The following CRTC3 variants were observed in gnomAD, a reference collection of about 807,000 sequenced individuals.
The protein encoded by CRTC3 is CREB regulated transcription coactivator 3.
In CRTC3, 26 loss-of-function variants were observed where a neutral mutation model predicts 74.5. That is an observed-to-expected ratio of 0.35 (90% CI 0.26 to 0.48). The LOEUF is 0.48. Among genes scored for constraint, CRTC3 ranks in the 20% least tolerant of loss-of-function variants. CRTC3 has a pLI of 0.99. For missense variants in CRTC3, 760 were observed against 787.3 expected (o/e 0.97, Z 0.41); for synonymous variants, 377 against 325.8 (o/e 1.16, Z -1.69).
At chr15:90,610,759 A>G (rs1968337195) in intron 6 of CRTC3, among the ~76,000 whole-genome samples, 1 of 152,216 alleles carries the variant, frequency 6.6e-6, no homozygotes, top group Non-Finnish European at 1.5e-5. Context: ...GCCCTGTCCC[A>G]TAGCCTAGGA....
Position 90,638,657 on chromosome 15 carries a change from G to T in CRTC3, c.1467+11G>T. On this transcript the variant is annotated intron_variant, in intron 12 of 14. Coordinates refer to ENST00000268184, the MANE Select transcript of CRTC3 (RefSeq NM_022769.5). ...CTTCTCCCGGCCCAGGTGAGTTCTG[G>T]CAGGAGCGTTGGTGCAGAGGGAATG... The T allele has an allele frequency of 6.2e-7, 1 of 1,613,722 alleles. No individual in the cohort carries two copies. Among genetic ancestry groups the T allele is most frequent in the Non-Finnish European group, 8.5e-7 (1 of 1,179,806 alleles).
chr15:90,641,566 G>A (rs7171533), intron 14 of CRTC3, among the ~76,000 whole-genome samples: 18,738 of 151,924 alleles, frequency 0.12, 1,264 homozygotes, highest in East Asian at 0.17. Context: ...TGGGCATGGC[G>A]GCGGGCGCCT....
chr15:90,548,689 A>G (rs1966848834), intron 2 of CRTC3, among the ~76,000 whole-genome samples: 1 of 152,238 alleles, frequency 6.6e-6, no homozygotes, highest in Non-Finnish European at 1.5e-5. Flanking sequence ...TTTATTGAGT[A>G]TGTGCTATGT....
rs1596141551 is a variant in CRTC3 at position 90,629,389 on chromosome 15, T to C, written c.1123T>C (p.Ser375Pro). Residue 375 changes from serine to proline, a missense_variant, in exon 11 of 15, where the codon TCC (serine) becomes CCC (proline). By Grantham distance (74) the Ser-to-Pro change is moderately conservative. Coordinates refer to ENST00000268184, the MANE Select transcript of CRTC3 (RefSeq NM_022769.5). ...RLFSLSNPSL[S>P]TTNLSGPSRR... ...GTTTTCCCTTAGCAACCCATCTCTTTCCACCACAAACCTGAGCGGCCCGTC... is the reference window on the plus strand; with the variant it reads ...GTTTTCCCTTAGCAACCCATCTCTTCCCACCACAAACCTGAGCGGCCCGTC... 3 of 1,613,814 alleles carry C rather than the reference T, an allele frequency of 1.9e-6. No homozygotes were observed. Among genetic ancestry groups the C allele is most frequent in the Non-Finnish European group, 1.7e-6 (2 of 1,179,920 alleles).
chr15:90,550,946 C>T (rs1567162745), intron 2 of CRTC3, among the ~76,000 whole-genome samples: 1 of 152,020 alleles, frequency 6.6e-6, no homozygotes, highest in African/African-American at 2.4e-5. Flanking sequence ...CGGAATGAAA[C>T]AAGAGAGGCT....
chr15:90,537,347 G>A (rs577826370), intron 1 of CRTC3, among the ~76,000 whole-genome samples: 1 of 152,276 alleles, frequency 6.6e-6, no homozygotes, highest in South Asian at 2.1e-4. Context: ...CAACCACACG[G>A]GAGTTGCAGG....
chr15:90,551,934 A>ACACACG (rs1235169547), intron 2 of CRTC3, among the ~76,000 whole-genome samples: 2 of 9,746 alleles, frequency 2.1e-4, no homozygotes, highest in African/African-American at 8.6e-4. Context: ...ACACACGCAC[A>ACACACG]CACACACACG....
intron 2 of CRTC3, 92 bp from the exon 3 acceptor site, chr15:90,593,544 G>T (rs914439453): frequency 6.9e-7 from 1 of 1,453,560 alleles, no homozygotes; most frequent in African/African-American, 1.4e-5. Flanking sequence ...CTGTAAAATC[G>T]GTCCTTTCAT....
In CRTC3 at chr15:90,638,274, A is replaced by C. The variant is rs1261859275; in HGVS notation, c.1267-172A>C. ...AATGGAACATGCTTTGTGGGGAAGT[A>C]AAATTTGAGATATACTTTGAAGGAT... On this transcript the variant is annotated intron_variant, in intron 11 of 14. Coordinates refer to ENST00000268184, the MANE Select transcript of CRTC3 (RefSeq NM_022769.5). 1.5e-5 allele frequency: 9 copies of C among 584,298 alleles called. No homozygotes were observed. The East Asian group carries it at 2.5e-4, about 16-fold the overall frequency. 36.2% of individuals were successfully genotyped at this position (584,298 alleles called of 1,614,324 possible). A position where few individuals can be genotyped will look rare whatever the true frequency, so the allele number is the denominator to read the frequency against.
At position 90,529,983 on chromosome 15, in the gene CRTC3, G is replaced by C; in HGVS notation, c.-89G>C. 9.7e-7 allele frequency: 1 copy of C among 1,027,664 alleles called. No individual in the cohort carries two copies. Among genetic ancestry groups the C allele is most frequent in the Non-Finnish European group, 1.2e-6 (1 of 829,300 alleles). The allele number at this position is 1,027,664 out of a possible 1,614,324, so 63.7% of individuals were successfully genotyped here. A position where few individuals can be genotyped will look rare whatever the true frequency, so the allele number is the denominator to read the frequency against. On this transcript the variant is annotated 5_prime_UTR_variant, in exon 1 of 15. Coordinates refer to ENST00000268184, the MANE Select transcript of CRTC3 (RefSeq NM_022769.5). ...CGCCGGACGACTGGCTTCGGGCGGCGGCCCCGGCGGCCTGTGGACGGACGG... is the reference window on the plus strand; with the variant it reads ...CGCCGGACGACTGGCTTCGGGCGGCCGCCCCGGCGGCCTGTGGACGGACGG...
chr15:90,608,779 C>T (rs1419252947), intron 6 of CRTC3, among the ~76,000 whole-genome samples: 1 of 152,186 alleles, frequency 6.6e-6, no homozygotes, highest in African/African-American at 2.4e-5. Flanking sequence ...CACATGTGCA[C>T]GGCATTTGCC....
At chr15:90,557,037 A>G (rs979475280) in intron 2 of CRTC3, among the ~76,000 whole-genome samples, 1 of 150,268 alleles carries the variant, frequency 6.7e-6, no homozygotes, top group Admixed American at 6.7e-5. Flanking sequence ...ACATTAATCA[A>G]ATTATCAGAC....
At chr15:90,606,594 A>G (rs901539104) in intron 5 of CRTC3, among the ~76,000 whole-genome samples, 1 of 152,126 alleles carries the variant, frequency 6.6e-6, no homozygotes, top group Non-Finnish European at 1.5e-5. Flanking sequence ...TAAAAAAAAT[A>G]TTGAGGCCCT....
chr15:90,588,288 ACT>A (rs1396514194), intron 2 of CRTC3, among the ~76,000 whole-genome samples: 2 of 147,930 alleles, frequency 1.4e-5, no homozygotes, highest in Non-Finnish European at 1.5e-5. Flanking sequence ...GAAAAATGGG[ACT>A]CTCTATTTCA....
chr15:90,638,247 TGAATG>T, intron 11 of CRTC3, 194 bp from the exon 12 acceptor site: 1 of 548,678 alleles, frequency 1.8e-6, no homozygotes, highest in Non-Finnish European at 3.2e-6. Flanking sequence ...AACTTGTCAT[TGAATG>T]GAACATGCTT....
At chr15:90,604,274 T>G in intron 4 of CRTC3, 111 bp from the exon 5 acceptor site, 1 of 790,310 alleles carries the variant, frequency 1.3e-6, no homozygotes, top group Non-Finnish European at 2.2e-6. Context: ...TAAGTAACTC[T>G]TGCAGAGCGA....
chr15:90,569,754 A>AT (rs1009688405), intron 2 of CRTC3, among the ~76,000 whole-genome samples: 1 of 151,520 alleles, frequency 6.6e-6, no homozygotes, highest in Non-Finnish European at 1.5e-5. Flanking sequence ...CTAATTTTTT[A>AT]TTTTTTGTAG....
intron 2 of CRTC3, among the ~76,000 whole-genome samples, chr15:90,547,361 A>T (rs1383459635): frequency 1.3e-5 from 2 of 152,174 alleles, no homozygotes; most frequent in African/African-American, 4.8e-5. Context: ...TTTGTAAATC[A>T]CTTTGGAGTT....
chr15:90,530,288 C>A lies in CRTC3; in HGVS notation c.132+85C>A. 1.2e-6 allele frequency: 1 copy of A among 836,470 alleles called. No homozygotes were observed. The highest frequency in any genetic ancestry group is 1.4e-6 in the Non-Finnish European group (1 of 693,022). 51.8% of individuals were successfully genotyped at this position (836,470 alleles called of 1,614,324 possible). A position where few individuals can be genotyped will look rare whatever the true frequency, so the allele number is the denominator to read the frequency against. On this transcript the variant is annotated intron_variant, in intron 1 of 14. Coordinates refer to ENST00000268184, the MANE Select transcript of CRTC3 (RefSeq NM_022769.5). This position sits in a 1 kb window ranked among gnomAD's most constrained non-coding sequence, Gnocchi z 6.2. ...CGGGTGAGAGGTTGCGGGGCCAAGGCGATGGCGGGGCCGGGCGGGGGCCGC... is the reference window on the plus strand; with the variant it reads ...CGGGTGAGAGGTTGCGGGGCCAAGGAGATGGCGGGGCCGGGCGGGGGCCGC...
Sources: allele counts gnomAD v4.1 joint callset (sites outside exome capture counted in the v4.1 genomes callset), GRCh38; gene constraint gnomAD v4.1.1; non-coding constraint Gnocchi (gnomAD v3.1); transcripts MANE v1.5; gene names NCBI Gene and HGNC (gene_info 2026-07-23, HGNC 2026-07-21).